OR9G1: variants seen among roughly 807,000 people sequenced by gnomAD.
The protein encoded by OR9G1 is olfactory receptor 9G1.
A neutral mutation model predicts 14.5 loss-of-function variants in OR9G1; 21 were observed. The observed-to-expected ratio is 1.45, with a 90% CI of 1.03 to 2.09. OR9G1 has a LOEUF of 2.09. Among genes scored for constraint, OR9G1 ranks in the 30% most tolerant of loss-of-function variants. The probability of loss-of-function intolerance (pLI) is 0.00; values close to 1 mark genes in which losing one functional copy is unlikely to be tolerated. For synonymous variants in OR9G1, 179 were observed against 153.3 expected (o/e 1.17, Z -1.24); for missense variants, 476 against 364.2 (o/e 1.31, Z -2.50).
At position 56,702,671 on chromosome 11, in the gene OR9G1, T is replaced by G. The variant is rs988331136; in HGVS notation, c.*1366T>G. ...TAAGCCAGGCACAGAAGAAAACATA[T>G]TGAATCATCCCACTTATGAGTGGGT... is the stretch of plus-strand genomic sequence containing the variant. On this transcript the variant is annotated 3_prime_UTR_variant, in exon 2 of 2. Coordinates refer to ENST00000642097, the MANE Select transcript of OR9G1 (RefSeq NM_001005213.2). The G allele has an allele frequency of 3.5e-4, 1 of 2,844 alleles. No homozygotes were observed. Among genetic ancestry groups the G allele is most frequent in the African/African-American group, 1.4e-3 (1 of 690 alleles). The allele number at this position is 2,844 out of a possible 1,614,324, so 0.2% of individuals were successfully genotyped here.
rs745507956 is a variant in OR9G1, at chr11:56,700,995, C to T, written c.608C>T (p.Ala203Val). The change falls in exon 2 of 2, where the codon GCC (alanine) becomes GTC (valine). Residue 203 changes from alanine to valine, a missense_variant. This residue lies in a region of OR9G1 where 352 missense variants were observed against 211.6 expected (regional missense o/e 1.66). Transcript: ENST00000642097. ...GYKIMMYFLL[A>V]SNVICPAVLI... ...AAAATTATGATGTACTTCCTGCTGG[C>T]CTCCAATGTCATCTGCCCCGCAGTG... 1 of 1,614,256 alleles carries T rather than the reference C, an allele frequency of 6.2e-7. No individual in the cohort carries two copies. Among genetic ancestry groups the T allele is most frequent in the Admixed American group, 1.7e-5 (1 of 60,034 alleles).
At position 56,703,360 on chromosome 11, in the gene OR9G1, GA is replaced by G. The variant is rs1269633829; in HGVS notation, c.*2056del. ...AACACACAGTAACACAGCCGAAACAGAGTCCAACAGTGTAATTCCAAGATGC... is the reference window on the plus strand; with the variant it reads ...AACACACAGTAACACAGCCGAAACAGGTCCAACAGTGTAATTCCAAGATGC... On this transcript the variant is annotated 3_prime_UTR_variant, in exon 2 of 2. Transcript: ENST00000642097. 6 of 30,152 alleles carry G rather than the reference GA, an allele frequency of 2.0e-4. No homozygotes were observed. Among genetic ancestry groups the G allele is most frequent in the Non-Finnish European group, 4.4e-4 (6 of 13,764 alleles). 1.9% of individuals were successfully genotyped at this position (30,152 alleles called of 1,614,324 possible).
chr11:56,700,842 T>G lies in OR9G1; in HGVS notation c.455T>G (p.Phe152Cys), dbSNP rs771876272. 1.2e-6 allele frequency: 2 copies of G among 1,614,314 alleles called. No homozygotes were observed. Among genetic ancestry groups the G allele is most frequent in the South Asian group, 1.1e-5 (1 of 91,092 alleles). ...LLVAVSYCGG[F>C]INSSIITKKT... ...GTAGCAGTCTCATATTGTGGTGGCT[T>G]TATTAACTCTTCAATCATCACCAAG... Residue 152 changes from phenylalanine (F) to cysteine (C), a missense_variant, in exon 2 of 2, where the codon TTT becomes TGT. Phe to Cys is a radical substitution (Grantham distance 205). This residue lies in a region of OR9G1 where 352 missense variants were observed against 211.6 expected (regional missense o/e 1.66). Transcript: ENST00000642097.
rs757898735 is a variant in OR9G1, at chr11:56,701,032, C to T, written c.645C>T (p.Ala215=). The T allele has an allele frequency of 6.2e-7, 1 of 1,614,274 alleles. No individual in the cohort carries two copies. Among genetic ancestry groups the T allele is most frequent in the East Asian group, 2.2e-5 (1 of 44,896 alleles). ...NVICPAVLIL[A]SYLFIITSVL... Reference sequence around the variant, plus strand: ...TCTGCCCCGCAGTGCTCATCCTGGCCTCCTACCTCTTTATCATCACCAGTG... The same window carrying T: ...TCTGCCCCGCAGTGCTCATCCTGGCTTCCTACCTCTTTATCATCACCAGTG... Residue 215 remains alanine, a synonymous_variant, in exon 2 of 2, where the codon GCC becomes GCT. Transcript: ENST00000642097.
intron 1 of OR9G1, among the ~76,000 whole-genome samples, chr11:56,699,560 G>T (rs993182710): frequency 2.6e-5 from 4 of 152,312 alleles, no homozygotes; most frequent in Non-Finnish European, 5.9e-5. Flanking sequence ...AAGTTAGTCT[G>T]TCAAGAATTG....
intron 1 of OR9G1, among the ~76,000 whole-genome samples, chr11:56,699,665 G>A (rs925362739): frequency 6.6e-6 from 1 of 152,292 alleles, no homozygotes; most frequent in South Asian, 2.1e-4. Flanking sequence ...ATCCTGAAGA[G>A]AGTGGGTAGA....
chr11:56,703,685 T>G lies in OR9G1; in HGVS notation c.*2380T>G, dbSNP rs983308933. On this transcript the variant is annotated 3_prime_UTR_variant, in exon 2 of 2. Transcript: ENST00000642097. The stretch of plus-strand genomic sequence containing the variant: ...CACCGTGGTATCATAAACCCTGACA[T>G]GTAACTATAGAAGAGAGTCTCAAAC... The G allele has an allele frequency of 6.6e-6, 1 of 152,314 alleles. No individual in the cohort carries two copies. The highest frequency in any genetic ancestry group is 1.5e-5 in the Non-Finnish European group (1 of 68,060). 9.4% of individuals were successfully genotyped at this position (152,314 alleles called of 1,614,324 possible).
At position 56,701,197 on chromosome 11, in the gene OR9G1, CA is replaced by C; in HGVS notation, c.814del (p.Ile272Ter). 1.2e-6 allele frequency: 2 copies of C among 1,614,302 alleles called. No homozygotes were observed. Among genetic ancestry groups the C allele is most frequent in the Non-Finnish European group, 1.7e-6 (2 of 1,180,048 alleles). On this transcript the variant is annotated frameshift_variant, in exon 2 of 2. Transcript: ENST00000642097. LOFTEE classifies it high-confidence loss of function. ...PRSSYSFDMD[K>X]IVSTFYTVVF... ...GATCTAGCTATTCTTTTGATATGGA[CA>C]AAATAGTTTCTACATTTTACACTGT... is the stretch of plus-strand genomic sequence containing the variant.
In OR9G1 at chr11:56,700,820, G is replaced by A; in HGVS notation, c.433G>A (p.Ala145Thr). ...CATAAAGCTGTGTGCATTGCTGGTA[G>A]CAGTCTCATATTGTGGTGGCTTTAT... ...MSIKLCALLV[A>T]VSYCGGFINS... The change falls in exon 2 of 2, where the codon GCA becomes ACA. Residue 145 changes from alanine (A) to threonine (T), a missense_variant. This residue lies in a region of OR9G1 where 352 missense variants were observed against 211.6 expected (regional missense o/e 1.66). Transcript: ENST00000642097. 3 of 1,614,314 alleles carry A rather than the reference G, an allele frequency of 1.9e-6. No homozygotes were observed. The highest frequency in any genetic ancestry group is 2.5e-6 in the Non-Finnish European group (3 of 1,180,060).
rs963977454 is a variant in OR9G1 at position 56,701,578 on chromosome 11, C to T, written c.*273C>T. Reference sequence around the variant, plus strand: ...TATACCTTCATAAAGTGAGGAACAGCCTACCTCATTAGCCTAAGATTTGGC... The same window carrying T: ...TATACCTTCATAAAGTGAGGAACAGTCTACCTCATTAGCCTAAGATTTGGC... On this transcript the variant is annotated 3_prime_UTR_variant, in exon 2 of 2. Coordinates refer to ENST00000642097, the MANE Select transcript of OR9G1 (RefSeq NM_001005213.2). 16 of 457,412 alleles carry T rather than the reference C, an allele frequency of 3.5e-5. No individual in the cohort carries two copies. The highest frequency in any genetic ancestry group is 5.6e-5 in the Non-Finnish European group (15 of 267,256). 28.3% of individuals were successfully genotyped at this position (457,412 alleles called of 1,614,324 possible). A position where few individuals can be genotyped will look rare whatever the true frequency, so the allele number is the denominator to read the frequency against.
In OR9G1 at chr11:56,701,856, A is replaced by T. The variant is rs78035591; in HGVS notation, c.*551A>T. ...ATGACCTTGCTATGCCTCTTACATA[A>T]GTTTCTTGATGAAGAAAAAATTCAT... On this transcript the variant is annotated 3_prime_UTR_variant, in exon 2 of 2. Coordinates refer to ENST00000642097, the MANE Select transcript of OR9G1 (RefSeq NM_001005213.2). 1 of 122,076 alleles carries T rather than the reference A, an allele frequency of 8.2e-6. No individual in the cohort carries two copies. The highest frequency in any genetic ancestry group is 1.8e-5 in the Non-Finnish European group (1 of 54,660). 7.6% of individuals were successfully genotyped at this position (122,076 alleles called of 1,614,324 possible).
chr11:56,703,519 G>T lies in OR9G1; in HGVS notation c.*2214G>T, dbSNP rs75462051. On this transcript the variant is annotated 3_prime_UTR_variant, in exon 2 of 2. Transcript: ENST00000642097. The stretch of plus-strand genomic sequence containing the variant: ...CACATTCTTCATTTTTTAAAGTAAT[G>T]TTAACAGACTCAATTAGTATATTGC... 6.6e-6 allele frequency: 1 copy of T among 152,256 alleles called. No homozygotes were observed. Among genetic ancestry groups the T allele is most frequent in the East Asian group, 1.9e-4 (1 of 5,206 alleles). The allele number at this position is 152,256 out of a possible 1,614,324, so 9.4% of individuals were successfully genotyped here. A position where few individuals can be genotyped will look rare whatever the true frequency, so the allele number is the denominator to read the frequency against.
At position 56,700,969 on chromosome 11, in the gene OR9G1, TA is replaced by T. The variant is rs1450526598; in HGVS notation, c.586del (p.Ile196LeufsTer2). On this transcript the variant is annotated frameshift_variant, in exon 2 of 2. Coordinates refer to ENST00000642097, the MANE Select transcript of OR9G1 (RefSeq NM_001005213.2). LOFTEE classifies it high-confidence loss of function. ...ELACGEKGGYKIMMYFLLASN... is the reference protein window; with the variant it reads ...ELACGEKGGYXIMMYFLLASN... ...TGGCCTGTGGCGAGAAGGGCGGCTATAAAATTATGATGTACTTCCTGCTGGC... is the reference window on the plus strand; with the variant it reads ...TGGCCTGTGGCGAGAAGGGCGGCTATAAATTATGATGTACTTCCTGCTGGC... The T allele has an allele frequency of 6.2e-7, 1 of 1,614,252 alleles. No individual in the cohort carries two copies. Among genetic ancestry groups the T allele is most frequent in the East Asian group, 2.2e-5 (1 of 44,892 alleles).
At position 56,701,133 on chromosome 11, in the gene OR9G1, T is replaced by C; in HGVS notation, c.746T>C (p.Leu249Ser). The C allele has an allele frequency of 6.2e-7, 1 of 1,614,324 alleles. No individual in the cohort carries two copies. Among genetic ancestry groups the C allele is most frequent in the Non-Finnish European group, 8.5e-7 (1 of 1,180,062 alleles). ...TCSSHLTSVTLYYGSILYIYA... is the reference protein window; with the variant it reads ...TCSSHLTSVTSYYGSILYIYA... ...TCCTCCCACCTGACCTCTGTCACTTTATACTATGGCTCCATTCTCTACATC... is the reference window on the plus strand; with the variant it reads ...TCCTCCCACCTGACCTCTGTCACTTCATACTATGGCTCCATTCTCTACATC... Residue 249 changes from leucine to serine, a missense_variant, in exon 2 of 2, where the codon TTA becomes TCA. Transcript: ENST00000642097.
chr11:56,702,362 C>G lies in OR9G1; in HGVS notation c.*1057C>G, dbSNP rs1055564830. The G allele has an allele frequency of 6.6e-6, 1 of 152,270 alleles. No homozygotes were observed. The highest frequency in any genetic ancestry group is 1.5e-5 in the Non-Finnish European group (1 of 68,052). The allele number at this position is 152,270 out of a possible 1,614,324, so 9.4% of individuals were successfully genotyped here. ...AATAATACTGCAATGAACATGAAAG[C>G]ACAGATATCTCCTCAACATACCTAT... On this transcript the variant is annotated 3_prime_UTR_variant, in exon 2 of 2. Transcript: ENST00000642097.
In OR9G1 at chr11:56,701,168, C is replaced by G; in HGVS notation, c.781C>G (p.Pro261Ala). Reference sequence around the variant, plus strand: ...CTCCATTCTCTACATCTACGCTCTCCCCAGATCTAGCTATTCTTTTGATAT... The same window carrying G: ...CTCCATTCTCTACATCTACGCTCTCGCCAGATCTAGCTATTCTTTTGATAT... Reference protein sequence around the residue: ...YGSILYIYALPRSSYSFDMDK... With the variant: ...YGSILYIYALARSSYSFDMDK... The change falls in exon 2 of 2, where the codon CCC becomes GCC. Residue 261 changes from proline (P) to alanine (A), a missense_variant. By Grantham distance (27) the Pro-to-Ala change is conservative (BLOSUM62 -1). Coordinates refer to ENST00000642097, the MANE Select transcript of OR9G1 (RefSeq NM_001005213.2). 1.2e-6 allele frequency: 2 copies of G among 1,614,320 alleles called. No individual in the cohort carries two copies. Among genetic ancestry groups the G allele is most frequent in the Non-Finnish European group, 1.7e-6 (2 of 1,180,060 alleles).
chr11:56,700,621 A>G lies in OR9G1; in HGVS notation c.234A>G (p.Pro78=), dbSNP rs917445341. The stretch of plus-strand genomic sequence containing the variant: ...TCTGGTATTCTTCTGTCTACACCCC[A>G]AAGATCCTAGTGACCTGCATCTCTG... The part of the protein sequence containing the change: ...LDLWYSSVYT[P]KILVTCISED... Residue 78 remains proline (P), a synonymous_variant, in exon 2 of 2, where the codon CCA becomes CCG. Coordinates refer to ENST00000642097, the MANE Select transcript of OR9G1 (RefSeq NM_001005213.2). 3 of 1,614,316 alleles carry G rather than the reference A, an allele frequency of 1.9e-6. No individual in the cohort carries two copies. Among genetic ancestry groups the G allele is most frequent in the East Asian group, 4.5e-5 (2 of 44,896 alleles).
intron 1 of OR9G1, among the ~76,000 whole-genome samples, chr11:56,699,936 C>G (rs908793196): frequency 2.6e-5 from 4 of 152,298 alleles, no homozygotes; most frequent in African/African-American, 9.6e-5. Context: ...ATTTATAATG[C>G]TTTCATAATG....
chr11:56,700,336 T>C (rs1225302301), intron 1 of OR9G1, 34 bp from the exon 2 acceptor site: 1 of 1,602,102 alleles, frequency 6.2e-7, no homozygotes, highest in African/African-American at 1.3e-5. Flanking sequence ...TTCATGACAG[T>C]AATGCAAACT....
Sources: allele counts gnomAD v4.1 joint callset (sites outside exome capture counted in the v4.1 genomes callset), GRCh38; gene constraint gnomAD v4.1.1; regional missense constraint gnomAD v4.1.1; transcripts MANE v1.5; gene names NCBI Gene and HGNC (gene_info 2026-07-23, HGNC 2026-07-21).